The following SLCO2A1 variants were observed in gnomAD, a reference collection of about 807,000 sequenced individuals.
SLCO2A1 encodes the protein matrin F/G 1.
Under a neutral mutation model 71.7 loss-of-function variants are expected in SLCO2A1, and 60 were observed. The ratio of observed to expected loss-of-function variants is 0.84; its 90% CI spans 0.68 to 1.04. The LOEUF is 1.04. Ranked by LOEUF, SLCO2A1 falls within the 50% of genes least tolerant of loss-of-function variation. The pLI is 0.00. For missense variants in SLCO2A1, 745 were observed against 813.4 expected (o/e 0.92, Z 1.02); for synonymous variants, 308 against 326.7 (o/e 0.94, Z 0.62).
At chr3:133,983,467 C>T (rs959582130) in intron 1 of SLCO2A1, among the ~76,000 whole-genome samples, 3 of 152,236 alleles carry the variant, frequency 2.0e-5, no homozygotes, top group Non-Finnish European at 4.4e-5. Context: ...CTAAATGTGG[C>T]CATTGTTTTA....
At chr3:134,005,060 A>G (rs138674623) in intron 1 of SLCO2A1, among the ~76,000 whole-genome samples, 18 of 152,352 alleles carry the variant, frequency 1.2e-4, no homozygotes, top group African/African-American at 4.1e-4. Flanking sequence ...AATGACCATG[A>G]CATTCAGAGA....
intron 1 of SLCO2A1, among the ~76,000 whole-genome samples, chr3:134,022,008 A>C (rs1935591808): frequency 6.6e-6 from 1 of 151,648 alleles, no homozygotes; most frequent in Non-Finnish European, 1.5e-5. Context: ...TAAAAAAAAA[A>C]CTTTTAGAGG....
intron 2 of SLCO2A1, among the ~76,000 whole-genome samples, chr3:133,975,393 C>T (rs115985152): frequency 0.015 from 2,250 of 152,312 alleles, 19 homozygotes; most frequent in Middle Eastern, 0.044. Flanking sequence ...TCCATAGCCA[C>T]CTGGAAGCCA....
intron 1 of SLCO2A1, among the ~76,000 whole-genome samples, chr3:134,012,710 C>T (rs1935367332): frequency 6.6e-6 from 1 of 152,130 alleles, no homozygotes; most frequent in Non-Finnish European, 1.5e-5. Flanking sequence ...GAAATGAGCT[C>T]CACCGCTGTG....
intron 9 of SLCO2A1, 123 bp downstream of exon 9, chr3:133,947,133 C>CAA (rs376201375): frequency 3.9e-3 from 2,543 of 658,274 alleles, no homozygotes; most frequent in South Asian, 4.7e-3. Flanking sequence ...GACTCTGTCT[C>CAA]AAAAAAAAAA....
In SLCO2A1 at chr3:133,951,369, A is replaced by G. The variant is rs781336495; in HGVS notation, c.725-25T>C. On this transcript the variant is annotated intron_variant, in intron 5 of 13. Transcript: ENST00000310926. ...GCTGAAGAGAAAACGAAGAGTGCAA[A>G]TGTTTGTTGAATGCATGATCTCACC... 11 of 1,612,506 alleles carry G rather than the reference A, an allele frequency of 6.8e-6. 1 individual carries two copies. The East Asian group carries it at 1.1e-4, about 16-fold the overall frequency.
chr3:133,940,500 G>A (rs1427581903), intron 11 of SLCO2A1, among the ~76,000 whole-genome samples: 1 of 152,122 alleles, frequency 6.6e-6, no homozygotes, highest in Non-Finnish European at 1.5e-5. Flanking sequence ...GAGTCCTCTG[G>A]GAGGTGATTT....
intron 1 of SLCO2A1, among the ~76,000 whole-genome samples, chr3:133,980,165 C>T (rs1233548314): frequency 1.3e-5 from 2 of 152,232 alleles, no homozygotes; most frequent in Non-Finnish European, 2.9e-5. Flanking sequence ...AGTAAGGCAC[C>T]ATGATGCAAT....
chr3:134,023,359 T>C (rs1307822404), intron 1 of SLCO2A1, among the ~76,000 whole-genome samples: 3 of 152,248 alleles, frequency 2.0e-5, no homozygotes, highest in African/African-American at 7.2e-5. Context: ...CTCAAACTAT[T>C]GCATTTAATG....
At position 133,942,657 on chromosome 3, in the gene SLCO2A1, C is replaced by A. The variant is rs148949815; in HGVS notation, c.1573G>T (p.Val525Leu). 1 of 1,613,498 alleles carries A rather than the reference C, an allele frequency of 6.2e-7. No individual in the cohort carries two copies. The change falls in exon 11 of 14, where the codon GTG (valine) becomes TTG (leucine). Residue 525 changes from valine to leucine, a missense_variant. Val to Leu is a conservative substitution (Grantham distance 32, BLOSUM62 1). Coordinates refer to ENST00000310926, the MANE Select transcript of SLCO2A1 (RefSeq NM_005630.3). The part of the protein sequence containing the change: ...LLPAIFLISF[V>L]SLIACISHNP... ...TGGGAGATGCAGGCTATCAGGGACA[C>A]GAAGGAGATGAGGAAGATGGCCGGG...
At chr3:133,954,696 C>T (rs1447650891) in intron 4 of SLCO2A1, among the ~76,000 whole-genome samples, 1 of 152,176 alleles carries the variant, frequency 6.6e-6, no homozygotes, top group African/African-American at 2.4e-5. Flanking sequence ...TCATGTATCC[C>T]ACAGCCATCC....
At chr3:133,966,942 T>C (rs530829548) in intron 3 of SLCO2A1, among the ~76,000 whole-genome samples, 1 of 152,302 alleles carries the variant, frequency 6.6e-6, no homozygotes, top group East Asian at 1.9e-4. Context: ...ATTTCCCTTT[T>C]TCTGTGGGGC....
At chr3:133,976,712 T>C (rs1934464593) in intron 2 of SLCO2A1, among the ~76,000 whole-genome samples, 1 of 152,066 alleles carries the variant, frequency 6.6e-6, no homozygotes, top group African/African-American at 2.4e-5. Flanking sequence ...CTTTGAAAGC[T>C]GTTACAATGC....
At chr3:133,938,542 G>C (rs535194554) in intron 11 of SLCO2A1, 49 bp from the exon 12 acceptor site, 1 of 1,569,182 alleles carries the variant, frequency 6.4e-7, no homozygotes, top group Non-Finnish European at 8.8e-7. Flanking sequence ...AGGGCTGCAC[G>C]ATCCCTTGGG....
intron 8 of SLCO2A1, 82 bp downstream of exon 8, chr3:133,948,454 C>G: frequency 6.8e-7 from 1 of 1,465,284 alleles, no homozygotes; most frequent in Non-Finnish European, 9.3e-7. Flanking sequence ...CTGGCCTGCG[C>G]CCATCCCTGG....
At chr3:133,991,729 G>A (rs1355710937) in intron 1 of SLCO2A1, among the ~76,000 whole-genome samples, 3 of 152,312 alleles carry the variant, frequency 2.0e-5, no homozygotes, top group East Asian at 3.9e-4. Context: ...TGCCTGGGAG[G>A]GGAGGCTGCA....
intron 1 of SLCO2A1, 120 bp downstream of exon 1, chr3:134,029,587 G>C (rs1027958571): frequency 5.8e-6 from 4 of 689,650 alleles, no homozygotes; most frequent in Non-Finnish European, 9.4e-6. Flanking sequence ...ATCGGAGCGC[G>C]GCACAGGAGG....
At chr3:133,936,195 A>G (rs1424398569) in intron 12 of SLCO2A1, among the ~76,000 whole-genome samples, 1 of 152,206 alleles carries the variant, frequency 6.6e-6, no homozygotes, top group East Asian at 1.9e-4. Flanking sequence ...AGATCAGCTC[A>G]GAGTGGAGAT....
At position 133,945,253 on chromosome 3, in the gene SLCO2A1, T is replaced by C. The variant is rs756876293; in HGVS notation, c.1303A>G (p.Ser435Gly). 6.2e-7 allele frequency: 1 copy of C among 1,603,168 alleles called. No individual in the cohort carries two copies. The highest frequency in any genetic ancestry group is 1.1e-5 in the South Asian group (1 of 89,006). The change falls in exon 10 of 14, where the codon AGT (serine) becomes GGT (glycine). Residue 435 changes from serine (S) to glycine (G), a missense_variant. By Grantham distance (56) the Ser-to-Gly change is moderately conservative. Coordinates refer to ENST00000310926, the MANE Select transcript of SLCO2A1 (RefSeq NM_005630.3). Reference sequence around the variant, plus strand: ...GCAGGAGACTGCGGATGTATAGAACTTGATGTGCTGCCAGCAAAAGAGGAA... The same window carrying C: ...GCAGGAGACTGCGGATGTATAGAACCTGATGTGCTGCCAGCAAAAGAGGAA... Reference protein sequence around the residue: ...VAEVYPPSTSSSIHPQSPACR... With the variant: ...VAEVYPPSTSGSIHPQSPACR...
Sources: allele counts gnomAD v4.1 joint callset (sites outside exome capture counted in the v4.1 genomes callset), GRCh38; gene constraint gnomAD v4.1.1; transcripts MANE v1.5; gene names NCBI Gene and HGNC (gene_info 2026-07-23, HGNC 2026-07-21).